The following SSBP4 variants were observed in gnomAD, a reference collection of about 807,000 sequenced individuals.
SSBP4 encodes the protein single-stranded DNA-binding protein 4.
A neutral mutation model predicts 64.6 loss-of-function variants in SSBP4; 33 were observed. The observed-to-expected ratio is 0.51, with a 90% CI of 0.39 to 0.68. The LOEUF is 0.68. Ranked by LOEUF, SSBP4 falls within the 30% of genes least tolerant of loss-of-function variation. SSBP4 has a pLI of 0.00. For synonymous variants in SSBP4, 243 were observed against 224.0 expected, an observed-to-expected ratio of 1.08 and a Z score of -0.76; for missense variants, 583 against 566.8, an observed-to-expected ratio of 1.03 and a Z score of -0.29.
chr19:18,409,478 C>G, the SSBP4 span, among the ~76,000 whole-genome samples: 4 of 151,950 alleles, frequency 2.6e-5, no homozygotes, highest in African/African-American at 9.7e-5. Context: ...TGAGCCATGG[C>G]GACCAGCTGT....
intron 4 of SSBP4, among the ~76,000 whole-genome samples, chr19:18,428,345 G>A (rs531747635): frequency 9.2e-5 from 14 of 152,266 alleles, no homozygotes; most frequent in African/African-American, 2.9e-4. Context: ...CTCCTCTGCC[G>A]TGTGTGCATT....
chr19:18,431,627 TC>T lies in SSBP4; in HGVS notation c.436-16del. On this transcript the variant is annotated intron_variant, in intron 6 of 17. Coordinates refer to ENST00000270061, the MANE Select transcript of SSBP4 (RefSeq NM_032627.5). ...ACCAGAGGGTGGGGGAAGGTGCTGA[TC>T]CCCGCCCACCTCTTCCAGCCCTTCA... The T allele has an allele frequency of 3.3e-6, 5 of 1,537,304 alleles. No homozygotes were observed. Among genetic ancestry groups the T allele is most frequent in the Non-Finnish European group, 4.4e-6 (5 of 1,138,178 alleles).
chr19:18,419,152 G>A (rs1972245317), upstream of SSBP4: 1 of 985,428 alleles, frequency 1.0e-6, no homozygotes, highest in Non-Finnish European at 1.2e-6. Flanking sequence ...CATTTGAGGT[G>A]AGTGAACGTG....
chr19:18,433,769 C>G lies in SSBP4; in HGVS notation c.1080C>G (p.Gly360=). The G allele has an allele frequency of 7.0e-7, 1 of 1,438,574 alleles. No individual in the cohort carries two copies. Among genetic ancestry groups the G allele is most frequent in the Non-Finnish European group, 9.1e-7 (1 of 1,102,060 alleles). The allele number at this position is 1,438,574 out of a possible 1,614,324, so 89.1% of individuals were successfully genotyped here. Residue 360 remains glycine (G), a synonymous_variant, in exon 17 of 18, where the codon GGC becomes GGG. Transcript: ENST00000270061. ...SNAPGTPRDD[G]EMAAAGTFLH... is the part of the protein sequence containing the mutation. ...CCCCGGGCACCCCGCGGGACGACGG[C>G]GAGATGGCGGCCGCCGGGACCTTCC...
chr19:18,431,892 G>A (rs763959968), intron 8 of SSBP4, 30 bp downstream of exon 8: 84 of 1,563,410 alleles, frequency 5.4e-5, no homozygotes, highest in Non-Finnish European at 7.0e-5. Flanking sequence ...CCCCTATCCC[G>A]CCATCAATCA....
At position 18,434,291 on chromosome 19, in the gene SSBP4, C is replaced by A. The variant is rs1973828229; in HGVS notation, c.*45C>A. ...CTCTCTGCGGGCCTAGGCTTCTGCC[C>A]AGCGCCCCTGCTCAGGGCGAGGGGC... On this transcript the variant is annotated 3_prime_UTR_variant, in exon 18 of 18. Coordinates refer to ENST00000270061, the MANE Select transcript of SSBP4 (RefSeq NM_032627.5). 1 of 1,607,216 alleles carries A rather than the reference C, an allele frequency of 6.2e-7. No individual in the cohort carries two copies. The highest frequency in any genetic ancestry group is 1.3e-5 in the African/African-American group (1 of 74,676).
chr19:18,406,505 A>G, the SSBP4 span, among the ~76,000 whole-genome samples: 84 of 152,016 alleles, frequency 5.5e-4, no homozygotes, highest in South Asian at 0.017. Flanking sequence ...TAAATTAGCC[A>G]GGCCTGGTGG....
chr19:18,411,932 GGC>G, the SSBP4 span, among the ~76,000 whole-genome samples: 1 of 152,158 alleles, frequency 6.6e-6, no homozygotes, highest in Admixed American at 6.6e-5. Flanking sequence ...GAGAGGCTGA[GGC>G]GAGAGGATCG....
intron 4 of SSBP4, 103 bp from the exon 5 acceptor site, chr19:18,430,738 C>A: frequency 2.0e-6 from 2 of 1,012,476 alleles, no homozygotes; most frequent in South Asian, 1.7e-5. Context: ...TGCCAGCTCG[C>A]TGTCCCATGG....
chr19:18,404,720 G>A, the SSBP4 span, among the ~76,000 whole-genome samples: 19 of 150,408 alleles, frequency 1.3e-4, no homozygotes, highest in East Asian at 2.7e-3. Context: ...GTGAAACCCC[G>A]TCTCTACTAA....
In SSBP4 at chr19:18,433,420, C is replaced by T. The variant is rs920588579; in HGVS notation, c.992-165C>T. ...AGGATGCACTGACCGCCCCTCCCCC[C>T]CAGGCCCAACCCTCCACCTGGCCTC... On this transcript the variant is annotated intron_variant, in intron 15 of 17. Transcript: ENST00000270061. The T allele has an allele frequency of 3.7e-6, 5 of 1,344,870 alleles. No homozygotes were observed. In the Admixed American group the frequency reaches 6.1e-5, roughly 16 times the overall value. The allele number at this position is 1,344,870 out of a possible 1,614,324, so 83.3% of individuals were successfully genotyped here.
At chr19:18,433,403 C>G (rs908431090) in intron 15 of SSBP4, 182 bp from the exon 16 acceptor site, 46 of 1,280,740 alleles carry the variant, frequency 3.6e-5, no homozygotes, top group Non-Finnish European at 4.7e-5. Context: ...AGAGGATGCA[C>G]TGACCGCCCC....
intron 16 of SSBP4, 45 bp from the exon 17 acceptor site, chr19:18,433,665 A>AG: frequency 3.8e-6 from 2 of 532,208 alleles, no homozygotes; most frequent in Non-Finnish European, 4.5e-6. Context: ...GGTGGCGGGG[A>AG]GGGGGCGGGG....
At position 18,426,005 on chromosome 19, in the gene SSBP4, G is replaced by A. The variant is rs937380216; in HGVS notation, c.60-1346G>A. 1 of 152,428 alleles carries A rather than the reference G, an allele frequency of 6.6e-6. No individual in the cohort carries two copies. Among genetic ancestry groups the A allele is most frequent in the Non-Finnish European group, 1.5e-5 (1 of 68,150 alleles). 9.4% of individuals were successfully genotyped at this position (152,428 alleles called of 1,614,324 possible). A position where few individuals can be genotyped will look rare whatever the true frequency, so the allele number is the denominator to read the frequency against. On this transcript the variant is annotated intron_variant, in intron 1 of 17. Coordinates refer to ENST00000270061, the MANE Select transcript of SSBP4 (RefSeq NM_032627.5). This position sits in a 1 kb window ranked among gnomAD's most constrained non-coding sequence, Gnocchi z 4.5. ...AAAAGGCACTTCATGGATGCTGGAG[G>A]AACTAATGAAGAAGTGAATGAACGA...
chr19:18,428,377 G>A (rs1167686132), intron 4 of SSBP4, among the ~76,000 whole-genome samples: 2 of 152,158 alleles, frequency 1.3e-5, no homozygotes, highest in Admixed American at 1.3e-4. Flanking sequence ...CTGCTCCTCT[G>A]AGCGGGGAGC....
chr19:18,414,087 G>C (rs1568337566), upstream of SSBP4, among the ~76,000 whole-genome samples: 1 of 152,194 alleles, frequency 6.6e-6, no homozygotes, highest in African/African-American at 2.4e-5. Context: ...AGTAGCAGAA[G>C]CTGGCGGTGG....
At chr19:18,432,306 G>A in intron 10 of SSBP4, 92 bp downstream of exon 10, 2 of 1,502,198 alleles carry the variant, frequency 1.3e-6, no homozygotes, top group South Asian at 1.2e-5. Flanking sequence ...GAATCCTCAG[G>A]ACAGCCTTGG....
In SSBP4 at chr19:18,427,886, T is replaced by C. The variant is rs748808030; in HGVS notation, c.195-12T>C. ...GGCACGTGGAGCAACCATCTTCCCC[T>C]TTGGCCCACAGCGTCTTCTGGGACC... On this transcript the variant is annotated splice_polypyrimidine_tract_variant and intron_variant, in intron 3 of 17. Transcript: ENST00000270061. The surrounding 1 kb of genome is among the most constrained non-coding windows in gnomAD (Gnocchi z 4.4). 3.0e-5 allele frequency: 49 copies of C among 1,613,926 alleles called. No individual in the cohort carries two copies. The Middle Eastern group carries it at 8.2e-4, about 27-fold the overall frequency.
the SSBP4 span, among the ~76,000 whole-genome samples, chr19:18,403,043 G>A: frequency 6.6e-6 from 1 of 152,252 alleles, no homozygotes; most frequent in African/African-American, 2.4e-5. Flanking sequence ...GAGAAAAACC[G>A]CCCTATGGCG....
Sources: allele counts gnomAD v4.1 joint callset (sites outside exome capture counted in the v4.1 genomes callset), GRCh38; gene constraint gnomAD v4.1.1; non-coding constraint Gnocchi (gnomAD v3.1); transcripts MANE v1.5; gene names NCBI Gene and HGNC (gene_info 2026-07-23, HGNC 2026-07-21).